Variants in NR2F1-AS1 observed in about 807,000 individuals in gnomAD.
NR2F1-AS1 encodes the protein NR2F1 antisense RNA 1.
At chr5:93,564,476 T>G (rs1268094557) in intron 1 of NR2F1-AS1, among the ~76,000 whole-genome samples, 2 of 152,192 alleles carry the variant, frequency 1.3e-5, no homozygotes, top group Non-Finnish European at 2.9e-5. Flanking sequence ...AAAGGGAAAG[T>G]ACATGCATGT....
chr5:93,469,216 T>C (rs1390779755), intron 4 of NR2F1-AS1, among the ~76,000 whole-genome samples: 2 of 152,146 alleles, frequency 1.3e-5, no homozygotes, highest in African/African-American at 4.8e-5. Context: ...TACACAAACC[T>C]ACAGGGTACA....
At chr5:93,581,818 C>G (rs1201128452), upstream of NR2F1-AS1, among the ~76,000 whole-genome samples, 2 of 68,204 alleles carry the variant, frequency 2.9e-5, no homozygotes, top group Non-Finnish European at 6.0e-5. Context: ...TCCCTCTCGT[C>G]TCTCTCTCTC....
At chr5:93,471,153 A>C (rs1750356591) in intron 4 of NR2F1-AS1, among the ~76,000 whole-genome samples, 1 of 151,964 alleles carries the variant, frequency 6.6e-6, no homozygotes, top group Admixed American at 6.5e-5. Context: ...AATTAGCAAA[A>C]AACTATATAC....
intron 4 of NR2F1-AS1, among the ~76,000 whole-genome samples, chr5:93,434,025 CTCTT>C (rs1749381927): frequency 6.6e-6 from 1 of 152,014 alleles, no homozygotes; most frequent in African/African-American, 2.4e-5. Flanking sequence ...TTCCCATATG[CTCTT>C]TTTTTAGCGT....
At chr5:93,531,575 T>A (rs975395699) in intron 4 of NR2F1-AS1, among the ~76,000 whole-genome samples, 6 of 152,250 alleles carry the variant, frequency 3.9e-5, no homozygotes, top group African/African-American at 1.2e-4. Context: ...GAAGTATATT[T>A]ACAGTTAAAG....
intron 2 of NR2F1-AS1, among the ~76,000 whole-genome samples, chr5:93,556,993 T>C (rs2149916400): frequency 6.6e-6 from 1 of 152,344 alleles, no homozygotes. Context: ...TATCTTGCTA[T>C]TCATTTCTCA....
upstream of NR2F1-AS1, among the ~76,000 whole-genome samples, chr5:93,582,983 G>C (rs539863485): frequency 2.6e-4 from 39 of 152,230 alleles, no homozygotes; most frequent in African/African-American, 9.4e-4. Context: ...GAGGAGGGGG[G>C]AGGGGCTCTC....
intron 4 of NR2F1-AS1, among the ~76,000 whole-genome samples, chr5:93,411,707 C>A (rs1433626615): frequency 2.0e-5 from 3 of 151,960 alleles, no homozygotes; most frequent in East Asian, 1.9e-4. Context: ...CATCTCACCC[C>A]CAGGCACAGA....
intron 4 of NR2F1-AS1, among the ~76,000 whole-genome samples, chr5:93,447,101 T>C (rs1188082422): frequency 1.3e-5 from 2 of 152,094 alleles, no homozygotes; most frequent in Admixed American, 6.6e-5. Flanking sequence ...ATAAAAACCC[T>C]AGAAGAAAAC....
At chr5:93,428,507 G>A (rs1749241446) in intron 4 of NR2F1-AS1, among the ~76,000 whole-genome samples, 1 of 152,126 alleles carries the variant, frequency 6.6e-6, no homozygotes, top group South Asian at 2.1e-4. Flanking sequence ...CATAGTAACA[G>A]GTATTAATAT....
intron 4 of NR2F1-AS1, among the ~76,000 whole-genome samples, chr5:93,526,579 T>A (rs1202707514): frequency 1.3e-5 from 2 of 152,116 alleles, no homozygotes; most frequent in East Asian, 1.9e-4. Context: ...CTGATGAACA[T>A]CGATGCAAAA....
intron 2 of NR2F1-AS1, among the ~76,000 whole-genome samples, chr5:93,560,403 A>G (rs1489760016): frequency 6.6e-6 from 1 of 152,224 alleles, no homozygotes; most frequent in Non-Finnish European, 1.5e-5. Context: ...CTCAAAACAC[A>G]TTCAAAACCT....
At chr5:93,424,517 A>G (rs1749156481) in intron 4 of NR2F1-AS1, among the ~76,000 whole-genome samples, 1 of 152,010 alleles carries the variant, frequency 6.6e-6, no homozygotes, top group Non-Finnish European at 1.5e-5. Context: ...TTCTTCCTCA[A>G]GAACACATTT....
intron 4 of NR2F1-AS1, chr5:93,422,297 T>TG (rs1185442097): frequency 1.3e-5 from 2 of 152,326 alleles, no homozygotes; most frequent in African/African-American, 2.4e-5. Context: ...GCTAAGTGCT[T>TG]GCTCTTGCTC....
intron 4 of NR2F1-AS1, among the ~76,000 whole-genome samples, chr5:93,424,390 ATAGTAT>A (rs1249622452): frequency 6.6e-6 from 1 of 151,746 alleles, no homozygotes; most frequent in Non-Finnish European, 1.5e-5. Flanking sequence ...CTTTTTCTTA[ATAGTAT>A]TAGTATTTAC....
chr5:93,411,086 C>T (rs1748846058), intron 4 of NR2F1-AS1: 1 of 152,114 alleles, frequency 6.6e-6, no homozygotes, highest in Admixed American at 6.6e-5. Flanking sequence ...AAACAATGTA[C>T]CCTGAAACTA....
chr5:93,565,401 GTATT>G (rs949072297), intron 1 of NR2F1-AS1, among the ~76,000 whole-genome samples: 5 of 151,872 alleles, frequency 3.3e-5, no homozygotes, highest in Non-Finnish European at 7.4e-5. Context: ...ATTTAAAAAA[GTATT>G]TATTTAAAAA....
At chr5:93,478,686 G>A (rs1750538852) in intron 4 of NR2F1-AS1, among the ~76,000 whole-genome samples, 1 of 152,186 alleles carries the variant, frequency 6.6e-6, no homozygotes, top group African/African-American at 2.4e-5. Flanking sequence ...ATAGGTGTGA[G>A]CCACCGCGCC....
chr5:93,529,970 A>G (rs1344743384), intron 4 of NR2F1-AS1, among the ~76,000 whole-genome samples: 3 of 152,172 alleles, frequency 2.0e-5, no homozygotes, highest in Non-Finnish European at 4.4e-5. Context: ...TGGTTTGTCC[A>G]AAAATAAATC....
Sources: gnomAD v4.1 joint callset for allele counts (sites outside exome capture counted in the v4.1 genomes callset) on GRCh38, gnomAD v4.1.1 for gene constraint, MANE v1.5 for transcripts, NCBI Gene and HGNC (gene_info 2026-07-23, HGNC 2026-07-21) for gene names.